Variants in ELOVL2 observed in about 807,000 individuals in gnomAD.
ELOVL2 encodes the protein very long chain fatty acid elongase 2.
A neutral mutation model predicts 37.7 loss-of-function variants in ELOVL2; 38 were observed. That is an observed-to-expected ratio of 1.01 (90% confidence interval 0.78 to 1.32). The LOEUF is 1.32. ELOVL2 is among the 40% of genes most tolerant of loss of function. The pLI, the probability that ELOVL2 is intolerant of heterozygous loss-of-function variation, is 0.00. For missense variants in ELOVL2, 352 were observed against 363.6 expected (o/e 0.97, Z 0.26); for synonymous variants, 115 against 122.3 (o/e 0.94, Z 0.40).
chr6:10,985,900 T>C (rs916521826), intron 7 of ELOVL2, among the ~76,000 whole-genome samples: 1 of 152,058 alleles, frequency 6.6e-6, no homozygotes, highest in Non-Finnish European at 1.5e-5. Flanking sequence ...CATTGGTAGC[T>C]TGATGGGGAT....
chr6:11,036,718 G>C (rs995936652), intron 1 of ELOVL2, among the ~76,000 whole-genome samples: 1 of 147,690 alleles, frequency 6.8e-6, no homozygotes, highest in African/African-American at 2.7e-5. Flanking sequence ...CTTCTAGAAT[G>C]GGAGCAGAAA....
chr6:11,033,323 C>T (rs1281187901), intron 1 of ELOVL2, among the ~76,000 whole-genome samples: 6 of 152,248 alleles, frequency 3.9e-5, no homozygotes, highest in Non-Finnish European at 8.8e-5. Context: ...ACACAATACA[C>T]GAATCCAATA....
intron 1 of ELOVL2, among the ~76,000 whole-genome samples, chr6:11,012,350 C>T (rs1273609805): frequency 4.6e-5 from 7 of 152,004 alleles, no homozygotes; most frequent in Non-Finnish European, 7.4e-5. Context: ...GGGAGGCCCC[C>T]GATGTGAGAA....
intron 1 of ELOVL2, among the ~76,000 whole-genome samples, chr6:11,021,336 T>C (rs1052394030): frequency 6.6e-6 from 1 of 152,212 alleles, no homozygotes; most frequent in Non-Finnish European, 1.5e-5. Flanking sequence ...TGGCACACAT[T>C]TGAGCTCTCA....
intron 7 of ELOVL2, among the ~76,000 whole-genome samples, chr6:10,984,466 C>T (rs938944830): frequency 2.7e-5 from 4 of 149,702 alleles, no homozygotes; most frequent in Non-Finnish European, 4.5e-5. Context: ...CCCATTAACT[C>T]GTCATTTAGC....
At chr6:11,027,748 C>T (rs1281911471) in intron 1 of ELOVL2, among the ~76,000 whole-genome samples, 3 of 152,146 alleles carry the variant, frequency 2.0e-5, no homozygotes, top group Non-Finnish European at 4.4e-5. Context: ...TCTCCTCTCC[C>T]TCCCTCCCTG....
chr6:11,010,996 A>C (rs77717377), intron 1 of ELOVL2, among the ~76,000 whole-genome samples, 187 bp from the exon 2 acceptor site: 5,032 of 152,264 alleles, frequency 0.033, 251 homozygotes, highest in African/African-American at 0.11. Flanking sequence ...AAGCCTATAA[A>C]GATTTGGAAG....
intron 7 of ELOVL2, among the ~76,000 whole-genome samples, chr6:10,984,723 G>A: frequency 6.0e-5 from 9 of 150,240 alleles, no homozygotes; most frequent in Admixed American, 2.7e-4. Context: ...GTATTCCATG[G>A]TGTATATGTG....
intron 4 of ELOVL2, among the ~76,000 whole-genome samples, chr6:10,996,112 T>C (rs1782264350): frequency 6.9e-6 from 1 of 144,438 alleles, no homozygotes; most frequent in Non-Finnish European, 1.5e-5. Context: ...CACTGTGTTT[T>C]TACCACTAAC....
intron 1 of ELOVL2, among the ~76,000 whole-genome samples, chr6:11,020,107 A>G (rs1331675184): frequency 1.3e-5 from 2 of 152,232 alleles, no homozygotes; most frequent in Non-Finnish European, 2.9e-5. Context: ...TTAAAATACT[A>G]CAACTAAAAA....
At chr6:10,985,191 C>T (rs1164774046) in intron 7 of ELOVL2, among the ~76,000 whole-genome samples, 13 of 152,004 alleles carry the variant, frequency 8.6e-5, no homozygotes, top group South Asian at 6.2e-4. Context: ...TCATGTCTTT[C>T]GCCCACTTTT....
chr6:10,984,406 ATG>A (rs989194782), intron 7 of ELOVL2, among the ~76,000 whole-genome samples: 4 of 151,924 alleles, frequency 2.6e-5, no homozygotes, highest in Non-Finnish European at 4.4e-5. Context: ...CATGTGCACA[ATG>A]TGCAGGTTAG....
At chr6:11,038,992 G>C (rs561296744) in intron 1 of ELOVL2, among the ~76,000 whole-genome samples, 8 of 152,198 alleles carry the variant, frequency 5.3e-5, no homozygotes, top group Non-Finnish European at 1.2e-4. Flanking sequence ...GTGTGAATAT[G>C]GTGTGTGACA....
chr6:11,032,621 A>T (rs1345099491), intron 1 of ELOVL2, among the ~76,000 whole-genome samples: 1 of 152,242 alleles, frequency 6.6e-6, no homozygotes, highest in Non-Finnish European at 1.5e-5. Context: ...AAATAATCTC[A>T]GTCTCAGTTT....
chr6:11,000,078 G>A lies in ELOVL2; in HGVS notation c.333+9C>T, dbSNP rs188358549. On this transcript the variant is annotated intron_variant, in intron 4 of 7. Transcript: ENST00000354666. ...GTTATAGTTGGTTGATTTGCTTCTA[G>A]TGGCTCACCCGGATGTCAGCTTCCC... 1 of 1,613,778 alleles carries A rather than the reference G, an allele frequency of 6.2e-7. No homozygotes were observed. Among genetic ancestry groups the A allele is most frequent in the African/African-American group, 1.3e-5 (1 of 75,040 alleles).
intron 2 of ELOVL2, among the ~76,000 whole-genome samples, chr6:11,005,830 AT>A (rs1782473018): frequency 6.6e-6 from 1 of 152,230 alleles, no homozygotes; most frequent in Admixed American, 6.5e-5. Flanking sequence ...TTGAATGCCT[AT>A]TTTGGAACAG....
rs1465819247 is a variant in ELOVL2 at position 11,017,233 on chromosome 6, T to G, written c.4-6424A>C. On this transcript the variant is annotated intron_variant, in intron 1 of 7. Transcript: ENST00000354666. The stretch of plus-strand genomic sequence containing the variant: ...TACGTGTCAGGCACCTGATACATAC[T>G]CTTTATGGTTGTCACAATAACCTTG... 2.6e-5 allele frequency among the ~76,000 whole-genome samples: 4 copies of G among 152,166 alleles called. No individual in the cohort carries two copies. The South Asian group carries it at 8.3e-4, about 32-fold the overall frequency.
In ELOVL2 at chr6:10,994,483, A is replaced by AG. The variant is rs1554111122; in HGVS notation, c.505+523dup. 7.2e-3 allele frequency among the ~76,000 whole-genome samples: 1,058 copies of AG among 146,084 alleles called. 27 individuals carry two copies. The highest frequency in any genetic ancestry group is 0.025 in the African/African-American group (983 of 39,526). On this transcript the variant is annotated intron_variant, in intron 5 of 7. Transcript: ENST00000354666. ...AATTCCATCTCAAAAAAAAAAAAAA[A>AG]GAACAAATATGAATGAGTGCACTGG... is the stretch of plus-strand genomic sequence containing the variant.
At chr6:10,986,172 T>G (rs1397785480) in intron 7 of ELOVL2, among the ~76,000 whole-genome samples, 1 of 152,152 alleles carries the variant, frequency 6.6e-6, no homozygotes, top group Non-Finnish European at 1.5e-5. Context: ...TGTATAAGAA[T>G]GCTTGTGATT....
Sources: gnomAD v4.1 joint callset for allele counts (sites outside exome capture counted in the v4.1 genomes callset) on GRCh38, gnomAD v4.1.1 for gene constraint, MANE v1.5 for transcripts, NCBI Gene and HGNC (gene_info 2026-07-23, HGNC 2026-07-21) for gene names.